Variants in GALNS observed in about 807,000 individuals in gnomAD.
GALNS encodes the protein galactosamine (N-acetyl)-6-sulfatase.
In GALNS, 65 loss-of-function variants were observed where a neutral mutation model predicts 65.9. The ratio of observed to expected loss-of-function variants is 0.99; its 90% CI spans 0.81 to 1.21. The LOEUF is 1.21. Ranked by LOEUF, GALNS falls within the 50% of genes most tolerant of loss-of-function variation. GALNS has a pLI of 0.00. For synonymous variants in GALNS, 346 were observed against 288.9 expected, an observed-to-expected ratio of 1.20 and a Z score of -2.00; for missense variants, 776 against 700.7, an observed-to-expected ratio of 1.11 and a Z score of -1.21.
At chr16:88,842,513 G>C in intron 2 of GALNS, 193 bp downstream of exon 2, 1 of 674,128 alleles carries the variant, frequency 1.5e-6, no homozygotes, top group Non-Finnish European at 2.5e-6. Flanking sequence ...AACCCAGCAG[G>C]TGCCGCACCC....
rs11865929 is a variant in GALNS at position 88,842,710 on chromosome 16, C to G, written c.240G>C (p.Ser80=). The stretch of plus-strand genomic sequence containing the variant: ...GCGAGGGCCCCGCTGACTTACATGG[C>G]GAGCACAGAGGGTTGGCAGAATAGA... ...PNFYSANPLC[S]PSRAALLTGR... The change falls in exon 2 of 14, where the codon TCG becomes TCC. Residue 80 remains serine, a synonymous_variant. Transcript: ENST00000268695. 6.2e-7 allele frequency: 1 copy of G among 1,612,556 alleles called. No individual in the cohort carries two copies. Among genetic ancestry groups the G allele is most frequent in the Middle Eastern group, 1.7e-4 (1 of 6,060 alleles).
rs149801056 is a variant in GALNS at position 88,836,366 on chromosome 16, A to G, written c.567-99T>C. On this transcript the variant is annotated intron_variant, in intron 5 of 13. Coordinates refer to ENST00000268695, the MANE Select transcript of GALNS (RefSeq NM_000512.5). ...CAAAGCCATGGGCTTCATTTAAAAG[A>G]AGGCTAGGGCTGGGCGTCATGGCTC... 881 of 1,011,560 alleles carry G rather than the reference A, an allele frequency of 8.7e-4. 3 individuals are homozygous for G. In the African/African-American group the frequency reaches 0.013, roughly 14 times the overall value. The allele number at this position is 1,011,560 out of a possible 1,614,324, so 62.7% of individuals were successfully genotyped here.
chr16:88,828,764 C>A (rs999774882), intron 9 of GALNS, among the ~76,000 whole-genome samples: 1 of 152,224 alleles, frequency 6.6e-6, no homozygotes, highest in Non-Finnish European at 1.5e-5. Context: ...GGGGTACAGA[C>A]GTCCCTGAAC....
chr16:88,837,604 G>A lies in GALNS; in HGVS notation c.566+18C>T. On this transcript the variant is annotated intron_variant, in intron 5 of 13. Transcript: ENST00000268695. ...AGCAGTTCAGGACGTGGGAGGGGAA[G>A]GGGTGGGGCTCCATTACCTGCCAAC... 2 of 1,611,688 alleles carry A rather than the reference G, an allele frequency of 1.2e-6. No individual in the cohort carries two copies.
At chr16:88,850,649 A>C (rs543498721) in intron 1 of GALNS, among the ~76,000 whole-genome samples, 1 of 152,284 alleles carries the variant, frequency 6.6e-6, no homozygotes, top group Non-Finnish European at 1.5e-5. Context: ...GGCATCAGCC[A>C]GGGGAGAAGG....
chr16:88,821,905 C>T (rs76384478), intron 12 of GALNS, among the ~76,000 whole-genome samples: 7,947 of 152,184 alleles, frequency 0.052, 259 homozygotes, highest in Middle Eastern at 0.16. Flanking sequence ...ACCCCCAGGC[C>T]AGGAGCAGGA....
rs367699561 is a variant in GALNS at position 88,846,552 on chromosome 16, T to C, written c.121-3723A>G. ...TTTTTTTGAGACGAAGTCTTGCTGT[T>C]GTCGCCCAGGCTGGAGGGCACAATC... On this transcript the variant is annotated intron_variant, in intron 1 of 13. Transcript: ENST00000268695. Among the ~76,000 whole-genome samples, 31 of 149,066 alleles carry C rather than the reference T, an allele frequency of 2.1e-4. No homozygotes were observed. In the East Asian group the frequency reaches 3.7e-3, roughly 18 times the overall value.
intron 5 of GALNS, 120 bp downstream of exon 5, chr16:88,837,502 C>G: frequency 9.5e-7 from 1 of 1,057,728 alleles, no homozygotes; most frequent in Non-Finnish European, 1.4e-6. Flanking sequence ...GCCCGGGGAC[C>G]CAGGGACAGA....
chr16:88,822,851 C>CT, intron 11 of GALNS, 141 bp from the exon 12 acceptor site: 2 of 1,318,174 alleles, frequency 1.5e-6, no homozygotes, highest in African/African-American at 1.5e-5. Context: ...TAACTGGGGG[C>CT]CGTGGGGGGG....
chr16:88,824,941 G>T, intron 10 of GALNS, 72 bp from the exon 11 acceptor site: 2 of 1,231,888 alleles, frequency 1.6e-6, no homozygotes, highest in Non-Finnish European at 1.2e-6. Context: ...GCTCTGGGCT[G>T]CGTCTGTCAT....
intron 1 of GALNS, chr16:88,855,295 C>T (rs914781393): frequency 1.1e-5 from 8 of 699,776 alleles, no homozygotes; most frequent in Admixed American, 6.0e-5. Flanking sequence ...CAGAGCCCAG[C>T]TCATCCAGCG....
chr16:88,816,154 T>G (rs1909600161), intron 13 of GALNS: 1 of 985,296 alleles, frequency 1.0e-6, no homozygotes, highest in Admixed American at 6.1e-5. Flanking sequence ...AGCACAGGTG[T>G]GGCGGTGGGG....
chr16:88,828,883 C>T (rs1375905350), intron 9 of GALNS, among the ~76,000 whole-genome samples: 1 of 152,190 alleles, frequency 6.6e-6, no homozygotes, highest in Non-Finnish European at 1.5e-5. Flanking sequence ...GAGCCCCAGC[C>T]CTGTCCCGGC....
chr16:88,833,454 C>CT (rs1555521204), intron 8 of GALNS, among the ~76,000 whole-genome samples: 11,373 of 141,108 alleles, frequency 0.081, 1,172 homozygotes, highest in African/African-American at 0.24. Flanking sequence ...CTCCCATCCC[C>CT]TTTTTTTTTT....
chr16:88,843,321 T>C (rs1397554277), intron 1 of GALNS: 1 of 752,584 alleles, frequency 1.3e-6, no homozygotes, highest in African/African-American at 1.8e-5. Context: ...ACGCTGCAAC[T>C]CCACTCCTAG....
intron 12 of GALNS, among the ~76,000 whole-genome samples, chr16:88,818,501 C>G (rs3826070): frequency 0.38 from 57,796 of 152,058 alleles, 11,243 homozygotes; most frequent in East Asian, 0.63. Flanking sequence ...ATATGACACA[C>G]CCTTCTTTCA....
At chr16:88,842,346 G>A (rs975972415) in intron 2 of GALNS, 1 of 509,744 alleles carries the variant, frequency 2.0e-6, no homozygotes, top group South Asian at 2.1e-5. Context: ...GTCTCCAGCA[G>A]GAGAGACTCT....
At position 88,841,132 on chromosome 16, in the gene GALNS, C is replaced by T. The variant is rs755925431; in HGVS notation, c.320-38G>A. ...CGCTGGGTGAGCCCCGAGGAGACCC[C>T]GAGAAGCTGCCACCAACCCCATCCT... On this transcript the variant is annotated intron_variant, in intron 3 of 13. Coordinates refer to ENST00000268695, the MANE Select transcript of GALNS (RefSeq NM_000512.5). 23 of 1,528,146 alleles carry T rather than the reference C, an allele frequency of 1.5e-5. No individual in the cohort carries two copies. In the Admixed American group the frequency reaches 2.2e-4, roughly 14 times the overall value. The allele number at this position is 1,528,146 out of a possible 1,614,324, so 94.7% of individuals were successfully genotyped here. A position where few individuals can be genotyped will look rare whatever the true frequency, so the allele number is the denominator to read the frequency against.
At chr16:88,837,187 C>T (rs778930515) in intron 5 of GALNS, among the ~76,000 whole-genome samples, 5 of 152,186 alleles carry the variant, frequency 3.3e-5, no homozygotes, top group Non-Finnish European at 4.4e-5. Flanking sequence ...GGCACCAGGA[C>T]GGCTCTGTCT....
Sources: allele counts gnomAD v4.1 joint callset (sites outside exome capture counted in the v4.1 genomes callset), GRCh38; gene constraint gnomAD v4.1.1; transcripts MANE v1.5; gene names NCBI Gene and HGNC (gene_info 2026-07-23, HGNC 2026-07-21).